PLXDC2: variants seen among roughly 807,000 people sequenced by gnomAD.
PLXDC2 encodes plexin domain-containing protein 2.
Under a neutral mutation model 68.9 loss-of-function variants are expected in PLXDC2, and 40 were observed. The observed-to-expected ratio is 0.58, with a 90% CI of 0.45 to 0.76. PLXDC2 has a LOEUF of 0.76. Among genes scored for constraint, PLXDC2 ranks in the 30% least tolerant of loss-of-function variants. The pLI, the probability that PLXDC2 is intolerant of heterozygous loss-of-function variation, is 0.00. For synonymous variants in PLXDC2, 243 were observed against 234.2 expected (o/e 1.04, Z -0.34); for missense variants, 644 against 661.9 (o/e 0.97, Z 0.30).
chr10:20,040,322 C>T (rs1480224755), intron 2 of PLXDC2, among the ~76,000 whole-genome samples: 1 of 152,066 alleles, frequency 6.6e-6, no homozygotes, highest in Non-Finnish European at 1.5e-5. Context: ...GGAGGATGCC[C>T]AGTGAGATTT....
chr10:20,150,000 C>T (rs1047126695), intron 6 of PLXDC2, among the ~76,000 whole-genome samples: 1 of 152,126 alleles, frequency 6.6e-6, no homozygotes. Flanking sequence ...AGAGTTTGAA[C>T]ATACTCTTCT....
At chr10:20,145,796 G>C (rs772578588) in intron 5 of PLXDC2, among the ~76,000 whole-genome samples, 1 of 151,918 alleles carries the variant, frequency 6.6e-6, no homozygotes, top group Non-Finnish European at 1.5e-5. Flanking sequence ...CTCGTGATCC[G>C]CCTGCCTCGG....
intron 1 of PLXDC2, among the ~76,000 whole-genome samples, chr10:19,965,431 C>G (rs1251214574): frequency 1.3e-5 from 2 of 152,288 alleles, no homozygotes; most frequent in East Asian, 3.9e-4. Flanking sequence ...GGTCCCAAGG[C>G]AAATGCTATG....
intron 3 of PLXDC2, among the ~76,000 whole-genome samples, chr10:20,065,329 G>A (rs569745530): frequency 3.9e-5 from 6 of 152,266 alleles, no homozygotes; most frequent in African/African-American, 1.4e-4. Context: ...TTCATGGTGT[G>A]CCCTAGAACT....
intron 4 of PLXDC2, among the ~76,000 whole-genome samples, chr10:20,103,591 T>TGA (rs57564391): frequency 2.9e-4 from 42 of 145,744 alleles, no homozygotes; most frequent in Non-Finnish European, 3.4e-4. Context: ...GGTTTGTGTG[T>TGA]GAGAGAGAGA....
intron 2 of PLXDC2, among the ~76,000 whole-genome samples, chr10:20,015,816 C>T (rs113464935): frequency 2.6e-5 from 4 of 152,158 alleles, no homozygotes; most frequent in Non-Finnish European, 5.9e-5. Flanking sequence ...CCAATACAAG[C>T]ACATAAATCC....
chr10:19,962,233 T>G (rs2131603499), intron 1 of PLXDC2, among the ~76,000 whole-genome samples: 1 of 152,156 alleles, frequency 6.6e-6, no homozygotes. Flanking sequence ...TTGTCATTTT[T>G]CCCAGGAGAG....
chr10:20,033,436 C>T (rs1036883642), intron 2 of PLXDC2, among the ~76,000 whole-genome samples: 1 of 152,088 alleles, frequency 6.6e-6, no homozygotes, highest in African/African-American at 2.4e-5. Context: ...AGTATTATAG[C>T]ATACCCAATT....
rs868304576 is a variant in PLXDC2 at position 20,035,611 on chromosome 10, G to A, written c.325-11258G>A. ...CTCCCTAGGCTAAAGGAGGAGAATCGTTTGAACCCGGGAGGTGGAAGTTGC... is the reference window on the plus strand; with the variant it reads ...CTCCCTAGGCTAAAGGAGGAGAATCATTTGAACCCGGGAGGTGGAAGTTGC... On this transcript the variant is annotated intron_variant, in intron 2 of 13. Transcript: ENST00000377252. 3.3e-5 allele frequency among the ~76,000 whole-genome samples: 5 copies of A among 152,126 alleles called. No homozygotes were observed. The East Asian group carries it at 5.8e-4, about 18-fold the overall frequency.
intron 1 of PLXDC2, among the ~76,000 whole-genome samples, chr10:19,977,413 A>C (rs1834475911): frequency 6.6e-6 from 1 of 152,106 alleles, no homozygotes; most frequent in Non-Finnish European, 1.5e-5. Flanking sequence ...ATCTGCTTGG[A>C]GGGCCTAAGC....
chr10:19,899,964 T>C (rs1426822175), intron 1 of PLXDC2, among the ~76,000 whole-genome samples: 4 of 152,218 alleles, frequency 2.6e-5, no homozygotes, highest in Non-Finnish European at 5.9e-5. Flanking sequence ...AGAATTATTA[T>C]GTTTAAAGTC....
intron 4 of PLXDC2, among the ~76,000 whole-genome samples, chr10:20,133,594 G>T (rs1385713593): frequency 6.6e-6 from 1 of 152,118 alleles, no homozygotes; most frequent in Admixed American, 6.5e-5. Context: ...TCCCTTTCAT[G>T]TCATGAGTAG....
chr10:19,962,477 G>A (rs1834173730), intron 1 of PLXDC2, among the ~76,000 whole-genome samples: 1 of 134,660 alleles, frequency 7.4e-6, no homozygotes, highest in Admixed American at 8.3e-5. Context: ...TGCACGCTCC[G>A]CCTCGAGGTT....
In PLXDC2 at chr10:20,279,725, C is replaced by T. The variant is rs758306769; in HGVS notation, c.1496C>T (p.Ala499Val). The T allele has an allele frequency of 1.7e-5, 28 of 1,613,636 alleles. No individual in the cohort carries two copies. Among genetic ancestry groups the T allele is most frequent in the South Asian group, 2.2e-5 (2 of 91,064 alleles). ...FIERRPSRWP[A>V]MKFRRGSGHP... ...CAGAGACGCCCAAGCAGATGGCCTGCGATGAAGTTTAGAAGAGGCTCTGGA... is the reference window on the plus strand; with the variant it reads ...CAGAGACGCCCAAGCAGATGGCCTGTGATGAAGTTTAGAAGAGGCTCTGGA... The change falls in exon 14 of 14, where the codon GCG becomes GTG. Residue 499 changes from alanine to valine, a missense_variant. Transcript: ENST00000377252.
chr10:20,022,057 A>G (rs1003109232), intron 2 of PLXDC2, among the ~76,000 whole-genome samples: 8 of 152,238 alleles, frequency 5.3e-5, no homozygotes, highest in African/African-American at 1.4e-4. Flanking sequence ...CTCAGCAAGA[A>G]TGCATCACGG....
intron 13 of PLXDC2, among the ~76,000 whole-genome samples, chr10:20,266,545 G>A (rs1302085484): frequency 6.6e-6 from 1 of 151,984 alleles, no homozygotes; most frequent in Non-Finnish European, 1.5e-5. Flanking sequence ...ATATATTTAG[G>A]ATAACTGAAA....
chr10:20,273,464 G>T (rs1369046430), intron 13 of PLXDC2, among the ~76,000 whole-genome samples: 1 of 152,078 alleles, frequency 6.6e-6, no homozygotes, highest in Non-Finnish European at 1.5e-5. Context: ...CCACTGCTGT[G>T]CATATTTCAG....
chr10:19,887,601 T>C (rs944800516), intron 1 of PLXDC2, among the ~76,000 whole-genome samples: 1 of 152,128 alleles, frequency 6.6e-6, no homozygotes, highest in African/African-American at 2.4e-5. Context: ...AAATGTTGCC[T>C]CAAGAGTACC....
chr10:20,270,724 T>C (rs1209067590), intron 13 of PLXDC2, among the ~76,000 whole-genome samples: 1 of 152,030 alleles, frequency 6.6e-6, no homozygotes, highest in Admixed American at 6.6e-5. Context: ...TTTGTATTTT[T>C]AGTAGAGACG....
Sources: allele counts gnomAD v4.1 joint callset (sites outside exome capture counted in the v4.1 genomes callset), GRCh38; gene constraint gnomAD v4.1.1; transcripts MANE v1.5; gene names NCBI Gene and HGNC (gene_info 2026-07-23, HGNC 2026-07-21).